The following TPRG1 variants were observed in gnomAD, a reference collection of about 807,000 sequenced individuals.
TPRG1 encodes the protein tumor protein p63 regulated 1.
A neutral mutation model predicts 29.3 loss-of-function variants in TPRG1; 29 were observed. That is an observed-to-expected ratio of 0.99 (90% CI 0.74 to 1.35). The LOEUF (loss-of-function observed/expected upper bound fraction) is 1.35. TPRG1 is among the 40% of genes most tolerant of loss of function. The pLI, the probability that TPRG1 is intolerant of heterozygous loss-of-function variation, is 0.00. For synonymous variants in TPRG1, 130 were observed against 116.8 expected (o/e 1.11, Z -0.73); for missense variants, 327 against 335.0 (o/e 0.98, Z 0.19).
At chr3:189,184,042 G>C (rs1169147842) in intron 1 of TPRG1, among the ~76,000 whole-genome samples, 4 of 152,106 alleles carry the variant, frequency 2.6e-5, no homozygotes, top group Non-Finnish European at 4.4e-5. Flanking sequence ...GTATTAATTT[G>C]GGGAACTAAT....
At chr3:189,294,223 T>C (rs1039959807) in intron 4 of TPRG1, among the ~76,000 whole-genome samples, 4 of 152,152 alleles carry the variant, frequency 2.6e-5, no homozygotes, top group Non-Finnish European at 5.9e-5. Flanking sequence ...TGGAGAATGA[T>C]AAAAGGGAAG....
chr3:189,059,909 G>C (rs1182526599), intron 4 of TPRG1, among the ~76,000 whole-genome samples: 4 of 152,062 alleles, frequency 2.6e-5, no homozygotes, highest in Non-Finnish European at 5.9e-5. Flanking sequence ...TGCAGAAAAG[G>C]CTTTCAATAA....
At chr3:189,029,760 C>T (rs1417672129) in intron 4 of TPRG1, among the ~76,000 whole-genome samples, 1 of 152,090 alleles carries the variant, frequency 6.6e-6, no homozygotes, top group African/African-American at 2.4e-5. Flanking sequence ...GGTGCCATCC[C>T]CTGGATAATG....
chr3:189,024,375 A>G (rs1713543891), intron 4 of TPRG1, among the ~76,000 whole-genome samples: 1 of 152,216 alleles, frequency 6.6e-6, no homozygotes, highest in Non-Finnish European at 1.5e-5. Flanking sequence ...AAGTCACCCA[A>G]ACAGCAAAGG....
intron 2 of TPRG1, among the ~76,000 whole-genome samples, chr3:189,131,191 G>A (rs1331603840): frequency 6.6e-6 from 1 of 152,122 alleles, no homozygotes; most frequent in East Asian, 1.9e-4. Context: ...GAGGGCTCAG[G>A]GAGATTCCAA....
chr3:189,155,162 C>G (rs565607859), intron 5 of TPRG1, among the ~76,000 whole-genome samples: 51 of 152,046 alleles, frequency 3.4e-4, no homozygotes, highest in African/African-American at 1.2e-3. Flanking sequence ...GGTGGCTGGG[C>G]CTGGATCATG....
At chr3:189,205,813 T>C (rs1193925911) in intron 1 of TPRG1, among the ~76,000 whole-genome samples, 1 of 152,234 alleles carries the variant, frequency 6.6e-6, no homozygotes, top group Non-Finnish European at 1.5e-5. Context: ...CAAGATATTA[T>C]TTTTATTTAT....
In TPRG1 at chr3:189,123,888, G is replaced by A. The variant is rs912528196; in HGVS notation, c.-743-3169G>A. 5.3e-5 allele frequency among the ~76,000 whole-genome samples: 8 copies of A among 152,080 alleles called. No individual in the cohort carries two copies. The South Asian group carries it at 1.0e-3, about 20-fold the overall frequency. ...GGAAATGTGCTCTGGAGTCTCTCTC[G>A]CTCAGACCCTGGCCAGCCAGCCGTG... On this transcript the variant is annotated intron_variant, in intron 1 of 6. Transcript: ENST00000412373.
At chr3:189,254,453 A>T (rs900593021) in intron 4 of TPRG1, among the ~76,000 whole-genome samples, 2 of 152,218 alleles carry the variant, frequency 1.3e-5, no homozygotes, top group East Asian at 3.9e-4. Flanking sequence ...GTCAGGTAGC[A>T]TGATGCCTCC....
At chr3:189,283,305 T>C (rs550996428) in intron 4 of TPRG1, among the ~76,000 whole-genome samples, 110 of 152,354 alleles carry the variant, frequency 7.2e-4, no homozygotes, top group African/African-American at 2.5e-3. Flanking sequence ...TCATGTCCAT[T>C]GAAATGACAT....
chr3:189,239,135 T>A (rs545072384), intron 4 of TPRG1, among the ~76,000 whole-genome samples: 1 of 152,248 alleles, frequency 6.6e-6, no homozygotes, highest in African/African-American at 2.4e-5. Flanking sequence ...CATAAAGACA[T>A]ACCCCAAACT....
At chr3:189,054,609 A>C (rs1251331040) in intron 4 of TPRG1, among the ~76,000 whole-genome samples, 1 of 151,962 alleles carries the variant, frequency 6.6e-6, no homozygotes, top group Admixed American at 6.6e-5. Context: ...GTCTACACAC[A>C]CACACCCACA....
chr3:189,231,054 C>T (rs895637695), intron 3 of TPRG1, among the ~76,000 whole-genome samples: 1 of 152,064 alleles, frequency 6.6e-6, no homozygotes, highest in East Asian at 1.9e-4. Flanking sequence ...TTTTTTCCAA[C>T]TTTTCCAGGT....
chr3:189,031,038 G>A (rs1713904420), intron 4 of TPRG1, among the ~76,000 whole-genome samples: 1 of 152,218 alleles, frequency 6.6e-6, no homozygotes, highest in Non-Finnish European at 1.5e-5. Flanking sequence ...AGAAGGCTGA[G>A]GCGGGTGGAT....
intron 4 of TPRG1, among the ~76,000 whole-genome samples, chr3:189,278,300 T>C (rs1318700395): frequency 6.6e-6 from 1 of 151,950 alleles, no homozygotes. Flanking sequence ...ATTTGGGCAG[T>C]GGTTGCTCGA....
upstream of TPRG1, among the ~76,000 whole-genome samples, chr3:189,170,546 G>A (rs1166666124): frequency 1.3e-5 from 2 of 152,070 alleles, no homozygotes; most frequent in Non-Finnish European, 2.9e-5. Context: ...CTTCTATATC[G>A]TGCAATGCTA....
chr3:189,036,139 T>A (rs1714253597), intron 4 of TPRG1, among the ~76,000 whole-genome samples: 1 of 152,056 alleles, frequency 6.6e-6, no homozygotes, highest in Non-Finnish European at 1.5e-5. Context: ...ATGGTCATTA[T>A]CTTAAGTGAA....
At chr3:189,090,175 A>G (rs1718246733) in intron 4 of TPRG1, among the ~76,000 whole-genome samples, 1 of 152,142 alleles carries the variant, frequency 6.6e-6, no homozygotes, top group Admixed American at 6.6e-5. Context: ...ATACAAAGCT[A>G]CATCCCCCAA....
chr3:189,101,147 C>G (rs1327088841), intron 1 of TPRG1, among the ~76,000 whole-genome samples: 1 of 152,138 alleles, frequency 6.6e-6, no homozygotes, highest in Non-Finnish European at 1.5e-5. Context: ...GTGTCCTCCC[C>G]CTTCCAACTC....
Sources: allele counts gnomAD v4.1 joint callset (sites outside exome capture counted in the v4.1 genomes callset), GRCh38; gene constraint gnomAD v4.1.1; transcripts MANE v1.5; gene names NCBI Gene and HGNC (gene_info 2026-07-23, HGNC 2026-07-21).